The following BAALC variants were observed in gnomAD, a reference collection of about 807,000 sequenced individuals.
The protein encoded by BAALC is brain and acute leukemia cytoplasmic protein.
Under a neutral mutation model 15.5 loss-of-function variants are expected in BAALC, and 9 were observed. That is an observed-to-expected ratio of 0.58 (90% CI 0.35 to 1.02). The LOEUF (loss-of-function observed/expected upper bound fraction) is 1.02. Ranked by LOEUF, BAALC falls within the 50% of genes least tolerant of loss-of-function variation. BAALC has a pLI of 0.02. For missense variants in BAALC, 201 were observed against 192.4 expected (o/e 1.04, Z -0.27); for synonymous variants, 80 against 74.6 (o/e 1.07, Z -0.37).
intron 1 of BAALC, among the ~76,000 whole-genome samples, chr8:103,143,122 G>C (rs1353035135): frequency 6.6e-6 from 1 of 152,158 alleles, no homozygotes; most frequent in Non-Finnish European, 1.5e-5. Context: ...GCATTCCCTA[G>C]GGCCTTTGGG....
rs76822503 is a variant in BAALC, at chr8:103,143,941, G to A, written c.160+2884G>A. On this transcript the variant is annotated intron_variant, in intron 1 of 2. Coordinates refer to ENST00000309982, the MANE Select transcript of BAALC (RefSeq NM_024812.3). Reference sequence around the variant, plus strand: ...AATTCTTCCAACGGCCTTTCTGATCGCACAACTTCTCTTTAAAAAGTTCTC... The same window carrying A: ...AATTCTTCCAACGGCCTTTCTGATCACACAACTTCTCTTTAAAAAGTTCTC... 5.2e-4 allele frequency among the ~76,000 whole-genome samples: 79 copies of A among 152,092 alleles called. 1 individual carries two copies. The East Asian group carries it at 6.2e-3, about 12-fold the overall frequency.
intron 1 of BAALC, among the ~76,000 whole-genome samples, chr8:103,141,673 T>C (rs2129841747): frequency 6.6e-6 from 1 of 152,344 alleles, no homozygotes; most frequent in Non-Finnish European, 1.5e-5. Flanking sequence ...TTCTGCACTT[T>C]AGGTTACTTT....
In BAALC at chr8:103,157,315, C is replaced by CTA. The variant is rs140079991; in HGVS notation, c.160+16272_160+16273dup. On this transcript the variant is annotated intron_variant, in intron 1 of 2. Coordinates refer to ENST00000309982, the MANE Select transcript of BAALC (RefSeq NM_024812.3). Reference sequence around the variant, plus strand: ...AAACTTTATACGCACATATTTCAAGCTATATATATATATATTTGGATAATA... The same window carrying CTA: ...AAACTTTATACGCACATATTTCAAGCTATATATATATATATATTTGGATAATA... Among the ~76,000 whole-genome samples, 887 of 150,254 alleles carry CTA rather than the reference C, an allele frequency of 5.9e-3. 9 individuals carry two copies. Among genetic ancestry groups the CTA allele is most frequent in the African/African-American group, 0.019 (798 of 41,102 alleles).
intron 1 of BAALC, chr8:103,198,158 T>C (rs1266837880): frequency 2.9e-6 from 2 of 701,310 alleles, no homozygotes; most frequent in South Asian, 3.0e-5. Flanking sequence ...TCCCAACCAT[T>C]GATTTAAAAA....
At chr8:103,213,119 G>A in intron 2 of BAALC, 34 bp downstream of exon 2, 1 of 1,606,300 alleles carries the variant, frequency 6.2e-7, no homozygotes, top group East Asian at 2.2e-5. Flanking sequence ...ACTGGGGACT[G>A]GAGAATGGGG....
At chr8:103,205,840 C>G (rs1812315399) in intron 1 of BAALC, among the ~76,000 whole-genome samples, 1 of 152,212 alleles carries the variant, frequency 6.6e-6, no homozygotes, top group South Asian at 2.1e-4. Flanking sequence ...ACTTCAATTT[C>G]TTCTTCTGTA....
chr8:103,184,198 T>C (rs780535387), intron 1 of BAALC, among the ~76,000 whole-genome samples: 5 of 152,248 alleles, frequency 3.3e-5, no homozygotes, highest in African/African-American at 7.2e-5. Flanking sequence ...GGTGATTACA[T>C]TGGGCCCACC....
At chr8:103,141,161 C>CG in intron 1 of BAALC, 104 bp downstream of exon 1, 1 of 1,287,196 alleles carries the variant, frequency 7.8e-7, no homozygotes, top group Non-Finnish European at 1.0e-6. Context: ...GATGGCGCGG[C>CG]GGGGGTGGCT....
chr8:103,191,846 A>G (rs1429740496), intron 1 of BAALC, among the ~76,000 whole-genome samples: 1 of 152,156 alleles, frequency 6.6e-6, no homozygotes, highest in Non-Finnish European at 1.5e-5. Context: ...GTAAGCTTAA[A>G]CTTGTTTCCC....
chr8:103,158,418 A>T (rs2129895064), intron 1 of BAALC, among the ~76,000 whole-genome samples: 1 of 152,304 alleles, frequency 6.6e-6, no homozygotes, highest in East Asian at 1.9e-4. Context: ...AACCCTATAT[A>T]TATTGTTCTT....
At chr8:103,197,573 T>G (rs1448045209) in intron 1 of BAALC, among the ~76,000 whole-genome samples, 1 of 152,228 alleles carries the variant, frequency 6.6e-6, no homozygotes, top group Non-Finnish European at 1.5e-5. Context: ...TGTGTTGCTA[T>G]AAAGAAGTAC....
intron 1 of BAALC, among the ~76,000 whole-genome samples, chr8:103,194,227 C>A (rs1044164059): frequency 6.6e-6 from 1 of 152,168 alleles, no homozygotes; most frequent in African/African-American, 2.4e-5. Flanking sequence ...TTTCTCTTTT[C>A]TTTGACTTGC....
At chr8:103,178,157 A>G (rs977592771) in intron 1 of BAALC, among the ~76,000 whole-genome samples, 1 of 152,232 alleles carries the variant, frequency 6.6e-6, no homozygotes, top group Non-Finnish European at 1.5e-5. Context: ...CTTAATTATC[A>G]TACAAATAAA....
intron 1 of BAALC, among the ~76,000 whole-genome samples, chr8:103,209,993 C>A (rs927155245): frequency 4.6e-5 from 7 of 152,200 alleles, no homozygotes; most frequent in African/African-American, 1.7e-4. Flanking sequence ...CCACACCAAG[C>A]CTGCTTCCAG....
intron 1 of BAALC, among the ~76,000 whole-genome samples, chr8:103,180,486 C>G (rs1224623755): frequency 6.6e-6 from 1 of 152,148 alleles, no homozygotes; most frequent in Non-Finnish European, 1.5e-5. Context: ...GGAGCTGCTT[C>G]CAAGATATTT....
At chr8:103,182,445 G>A (rs1811748737) in intron 1 of BAALC, among the ~76,000 whole-genome samples, 1 of 152,210 alleles carries the variant, frequency 6.6e-6, no homozygotes, top group Non-Finnish European at 1.5e-5. Flanking sequence ...GGGCTTTTAA[G>A]AGAACAAATT....
intron 2 of BAALC, among the ~76,000 whole-genome samples, chr8:103,221,379 T>A (rs1330580593): frequency 1.3e-5 from 2 of 151,748 alleles, no homozygotes; most frequent in African/African-American, 4.8e-5. Context: ...AAAACAAGAA[T>A]GTTAGAAGTA....
chr8:103,182,524 C>T (rs1393169965), intron 1 of BAALC, among the ~76,000 whole-genome samples: 2 of 152,182 alleles, frequency 1.3e-5, no homozygotes, highest in East Asian at 3.8e-4. Flanking sequence ...AGTAACAAGA[C>T]TCACACTGTC....
chr8:103,164,545 C>G (rs930373057), intron 1 of BAALC, among the ~76,000 whole-genome samples: 1 of 152,208 alleles, frequency 6.6e-6, no homozygotes, highest in Non-Finnish European at 1.5e-5. Flanking sequence ...TCCTACTAGA[C>G]AAATGATGAA....
Sources: gnomAD v4.1 joint callset for allele counts (sites outside exome capture counted in the v4.1 genomes callset) on GRCh38, gnomAD v4.1.1 for gene constraint, MANE v1.5 for transcripts, NCBI Gene and HGNC (gene_info 2026-07-23, HGNC 2026-07-21) for gene names.